Variants in WWP1 observed in about 807,000 individuals in gnomAD.
The protein encoded by WWP1 is WW domain containing E3 ubiquitin protein ligase 1.
A neutral mutation model predicts 130.6 loss-of-function variants in WWP1; 49 were observed. The observed-to-expected ratio is 0.38, with a 90% CI of 0.30 to 0.48. WWP1 has a LOEUF of 0.48. Ranked by LOEUF, WWP1 falls within the 20% of genes least tolerant of loss-of-function variation. The pLI is 0.99. For synonymous variants in WWP1, 332 were observed against 367.8 expected (o/e 0.90, Z 1.11); for missense variants, 809 against 1,100.6 (o/e 0.74, Z 3.75).
chr8:86,454,827 TTACA>T (rs1490222834), intron 21 of WWP1, among the ~76,000 whole-genome samples: 23 of 152,170 alleles, frequency 1.5e-4, no homozygotes, highest in Admixed American at 4.6e-4. Flanking sequence ...TACCTTTCTT[TTACA>T]TATAAGATGA....
intron 5 of WWP1, among the ~76,000 whole-genome samples, chr8:86,382,241 T>A (rs1016789203): frequency 3.9e-5 from 6 of 152,222 alleles, no homozygotes; most frequent in Admixed American, 1.3e-4. Context: ...GTTTCCATGA[T>A]ACTTTTTCTA....
intron 1 of WWP1, among the ~76,000 whole-genome samples, chr8:86,345,059 C>G (rs1351543898): frequency 6.6e-6 from 1 of 151,984 alleles, no homozygotes; most frequent in Non-Finnish European, 1.5e-5. Flanking sequence ...GAAAGACCTC[C>G]CAGTTGTTGT....
At chr8:86,353,629 A>T (rs1347261873) in intron 1 of WWP1, among the ~76,000 whole-genome samples, 5 of 152,034 alleles carry the variant, frequency 3.3e-5, no homozygotes, top group Non-Finnish European at 2.9e-5. Flanking sequence ...AGTAGCTGGG[A>T]TTATAGGTAC....
intron 24 of WWP1, among the ~76,000 whole-genome samples, chr8:86,465,572 G>A (rs904602100): frequency 1.3e-5 from 2 of 152,130 alleles, no homozygotes; most frequent in Admixed American, 6.5e-5. Context: ...GGTCGAGGTC[G>A]CAGTGAGCCG....
chr8:86,402,238 GA>G, intron 8 of WWP1, 35 bp downstream of exon 8: 1 of 1,598,564 alleles, frequency 6.3e-7, no homozygotes, highest in South Asian at 1.1e-5. Context: ...TTGTTTAAAG[GA>G]AAAGTAAATG....
intron 17 of WWP1, among the ~76,000 whole-genome samples, chr8:86,440,046 G>A (rs570808598): frequency 2.0e-5 from 3 of 152,252 alleles, no homozygotes; most frequent in South Asian, 2.1e-4. Context: ...TTCCAGAAAC[G>A]AAACACTGCC....
chr8:86,417,969 G>A (rs1266092007), intron 9 of WWP1, among the ~76,000 whole-genome samples: 2 of 152,178 alleles, frequency 1.3e-5, no homozygotes. Flanking sequence ...AACTCGTTGA[G>A]TAATGTCCGA....
At chr8:86,375,424 C>T (rs1199759508) in intron 3 of WWP1, among the ~76,000 whole-genome samples, 1 of 152,118 alleles carries the variant, frequency 6.6e-6, no homozygotes, top group Non-Finnish European at 1.5e-5. Context: ...CTCCCTTGCC[C>T]TGTAGGTTCA....
intron 3 of WWP1, among the ~76,000 whole-genome samples, chr8:86,375,323 T>C (rs1488727263): frequency 6.6e-6 from 1 of 152,156 alleles, no homozygotes; most frequent in East Asian, 1.9e-4. Context: ...AATTTTGTTT[T>C]ATAACCTTGT....
chr8:86,462,195 G>A (rs765241341), intron 24 of WWP1, among the ~76,000 whole-genome samples: 2 of 152,116 alleles, frequency 1.3e-5, no homozygotes, highest in Admixed American at 6.5e-5. Context: ...GAAGTCCTTC[G>A]AAGGGAAAAA....
At chr8:86,352,689 A>G (rs924597320) in intron 1 of WWP1, among the ~76,000 whole-genome samples, 1 of 152,170 alleles carries the variant, frequency 6.6e-6, no homozygotes, top group African/African-American at 2.4e-5. Context: ...CTTTAAGTAC[A>G]CATGTGTAAT....
chr8:86,364,872 G>A (rs958123998), intron 1 of WWP1, among the ~76,000 whole-genome samples: 2 of 151,314 alleles, frequency 1.3e-5, no homozygotes, highest in African/African-American at 2.4e-5. Context: ...AAGAAAGAGA[G>A]AAAGAAAGAA....
intron 8 of WWP1, among the ~76,000 whole-genome samples, chr8:86,409,752 T>TG (rs1808483991): frequency 2.0e-5 from 3 of 151,728 alleles, no homozygotes; most frequent in Non-Finnish European, 2.9e-5. Flanking sequence ...TCCCGGCTAC[T>TG]GGGGGGCTGA....
intron 1 of WWP1, among the ~76,000 whole-genome samples, chr8:86,363,014 A>G (rs72688565): frequency 0.018 from 2,782 of 152,354 alleles, 36 homozygotes; most frequent in Non-Finnish European, 0.022. Flanking sequence ...ATAGTACTCG[A>G]TAATTCATAA....
intron 18 of WWP1, 81 bp from the exon 19 acceptor site, chr8:86,448,067 C>T (rs889716401): frequency 4.0e-6 from 5 of 1,243,728 alleles, no homozygotes; most frequent in Non-Finnish European, 5.5e-6. Context: ...TGTGAAGTCT[C>T]ATGATTTTTC....
rs561667352 is a variant in WWP1 at position 86,437,956 on chromosome 8, C to T, written c.1750-629C>T. Reference sequence around the variant, plus strand: ...CTGGGACTACAGGCGCCCACCACCACGCCTGGCTAACTTTTTGTATTTTTT... The same window carrying T: ...CTGGGACTACAGGCGCCCACCACCATGCCTGGCTAACTTTTTGTATTTTTT... On this transcript the variant is annotated intron_variant, in intron 16 of 24. Coordinates refer to ENST00000517970, the MANE Select transcript of WWP1 (RefSeq NM_007013.4). Among the ~76,000 whole-genome samples the T allele has an allele frequency of 9.2e-5, 14 of 152,218 alleles. No homozygotes were observed. In the South Asian group the frequency reaches 1.0e-3, roughly 11 times the overall value.
chr8:86,344,615 A>G (rs2130044091), intron 1 of WWP1, among the ~76,000 whole-genome samples: 2 of 152,344 alleles, frequency 1.3e-5, no homozygotes, highest in Middle Eastern at 3.4e-3. Flanking sequence ...TCAGAAGTCA[A>G]CTTCAAAGAG....
At chr8:86,415,407 C>G (rs566311303) in intron 9 of WWP1, among the ~76,000 whole-genome samples, 1 of 152,176 alleles carries the variant, frequency 6.6e-6, no homozygotes, top group Non-Finnish European at 1.5e-5. Context: ...TATCTCATCT[C>G]TTCATCTCTT....
chr8:86,417,109 A>T (rs140335453), intron 9 of WWP1: 4 of 152,438 alleles, frequency 2.6e-5, no homozygotes, highest in Non-Finnish European at 5.9e-5. Context: ...ACAGGGATTC[A>T]GGAGTCCCTG....
Sources: allele counts gnomAD v4.1 joint callset (sites outside exome capture counted in the v4.1 genomes callset), GRCh38; gene constraint gnomAD v4.1.1; transcripts MANE v1.5; gene names NCBI Gene and HGNC (gene_info 2026-07-23, HGNC 2026-07-21).